DGCR2: variants seen among roughly 807,000 people sequenced by gnomAD.
The protein encoded by DGCR2 is integral membrane protein DGCR2/IDD.
A neutral mutation model predicts 51.6 loss-of-function variants in DGCR2; 24 were observed. That is an observed-to-expected ratio of 0.47 (90% CI 0.34 to 0.65). The LOEUF is 0.65. Among genes scored for constraint, DGCR2 ranks in the 30% least tolerant of loss-of-function variants. DGCR2 has a pLI of 0.01. For synonymous variants in DGCR2, 340 were observed against 315.4 expected (o/e 1.08, Z -0.82); for missense variants, 765 against 772.1 (o/e 0.99, Z 0.11).
chr22:19,104,678 G>T (rs922458356), intron 1 of DGCR2, among the ~76,000 whole-genome samples: 21 of 152,172 alleles, frequency 1.4e-4, no homozygotes, highest in Admixed American at 1.3e-4. Flanking sequence ...CCGGGGTAGG[G>T]GACACCCATG....
At chr22:19,109,301 A>G (rs2083290877) in intron 1 of DGCR2, among the ~76,000 whole-genome samples, 1 of 152,248 alleles carries the variant, frequency 6.6e-6, no homozygotes, top group Non-Finnish European at 1.5e-5. Context: ...TTCTGGGTAC[A>G]TACCCAAAAT....
At chr22:19,066,006 G>A (rs943107694) in intron 3 of DGCR2, 2 of 152,192 alleles carry the variant, frequency 1.3e-5, no homozygotes, top group African/African-American at 2.4e-5. Context: ...AGAAAAAGAG[G>A]GGCACCCCTA....
intron 2 of DGCR2, 30 bp from the exon 3 acceptor site, chr22:19,068,255 G>A: frequency 6.4e-7 from 1 of 1,559,216 alleles, no homozygotes; most frequent in Non-Finnish European, 8.7e-7. Context: ...TGTGCTGTGA[G>A]TCCTGCCTGT....
intron 1 of DGCR2, among the ~76,000 whole-genome samples, chr22:19,116,238 G>C (rs1215557334): frequency 1.3e-5 from 2 of 152,188 alleles, no homozygotes. Context: ...AACCAGACCT[G>C]AGCTTCCCCA....
chr22:19,090,086 C>T (rs897628081), intron 1 of DGCR2, among the ~76,000 whole-genome samples: 1 of 152,108 alleles, frequency 6.6e-6, no homozygotes, highest in Non-Finnish European at 1.5e-5. Flanking sequence ...AAGTACGCTG[C>T]AGAACATTAA....
chr22:19,041,495 C>T, intron 8 of DGCR2: 1 of 609,004 alleles, frequency 1.6e-6, no homozygotes. Context: ...CTCACCACAC[C>T]AACCTGTCCC....
chr22:19,048,183 T>C lies in DGCR2; in HGVS notation c.1006+257A>G. On this transcript the variant is annotated intron_variant, in intron 7 of 9. Transcript: ENST00000263196. The stretch of plus-strand genomic sequence containing the variant: ...GTGACTTGTGAACAAACAGCCACAC[T>C]TGAGTTCAAGTTCATTTGTGAATGC... The C allele has an allele frequency of 5.4e-6, 3 of 553,358 alleles. 1 individual carries two copies. In the South Asian group the frequency reaches 6.3e-5, roughly 12 times the overall value. 34.3% of individuals were successfully genotyped at this position (553,358 alleles called of 1,614,324 possible). A position where few individuals can be genotyped will look rare whatever the true frequency, so the allele number is the denominator to read the frequency against.
At chr22:19,053,493 A>G (rs115112442) in intron 6 of DGCR2, among the ~76,000 whole-genome samples, 2,540 of 152,214 alleles carry the variant, frequency 0.017, 75 homozygotes, top group African/African-American at 0.058. Flanking sequence ...GGGCAACTAC[A>G]GTGCCAACAA....
intron 4 of DGCR2, 42 bp downstream of exon 4, chr22:19,064,806 G>A (rs372760960): frequency 4.5e-6 from 7 of 1,573,006 alleles, no homozygotes; most frequent in South Asian, 1.1e-5. Flanking sequence ...GTAGTCATCA[G>A]ACTCTGACTC....
intron 3 of DGCR2, among the ~76,000 whole-genome samples, chr22:19,065,568 T>C (rs964505948): frequency 6.6e-6 from 1 of 152,142 alleles, no homozygotes; most frequent in Non-Finnish European, 1.5e-5. Flanking sequence ...GCCATGACAC[T>C]GTGTGACCCG....
chr22:19,079,605 T>C (rs1243471673), intron 2 of DGCR2, among the ~76,000 whole-genome samples: 1 of 152,284 alleles, frequency 6.6e-6, no homozygotes, highest in African/African-American at 2.4e-5. Context: ...TACTGTGTGC[T>C]ACATTCTTGT....
In DGCR2 at chr22:19,065,043, C is replaced by T. The variant is rs750922211; in HGVS notation, c.353G>A (p.Gly118Glu). The change falls in exon 4 of 10, where the codon GGG becomes GAG. Residue 118 changes from glycine to glutamate, a missense_variant. Transcript: ENST00000263196. ...GGCCGTGCCTTCGTAGTGGTGCCACCCTGTCGGGCACTTCCCTAGGAAACA... is the reference window on the plus strand; with the variant it reads ...GGCCGTGCCTTCGTAGTGGTGCCACTCTGTCGGGCACTTCCCTAGGAAACA... Reference protein sequence around the residue: ...FSSFLGKCPTGWHHYEGTASC... With the variant: ...FSSFLGKCPTEWHHYEGTASC... The T allele has an allele frequency of 6.2e-7, 1 of 1,613,996 alleles. No homozygotes were observed. Among genetic ancestry groups the T allele is most frequent in the South Asian group, 1.1e-5 (1 of 91,080 alleles).
chr22:19,059,201 G>C (rs1450328387), intron 5 of DGCR2, among the ~76,000 whole-genome samples: 1 of 152,174 alleles, frequency 6.6e-6, no homozygotes, highest in Admixed American at 6.5e-5. Context: ...GAACAAGGGA[G>C]CAGAGGTGAA....
intron 2 of DGCR2, among the ~76,000 whole-genome samples, chr22:19,082,199 C>T (rs751323851): frequency 6.7e-6 from 1 of 150,022 alleles, no homozygotes; most frequent in Non-Finnish European, 1.5e-5. Flanking sequence ...CAAGTGTGTA[C>T]CACCACATCT....
chr22:19,076,104 C>T (rs190777064), intron 2 of DGCR2, among the ~76,000 whole-genome samples: 59 of 151,744 alleles, frequency 3.9e-4, no homozygotes, highest in Admixed American at 9.8e-4. Context: ...AATTAACAGG[C>T]GTGCGCCATG....
chr22:19,081,936 A>T (rs1161961731), intron 2 of DGCR2, among the ~76,000 whole-genome samples: 1 of 152,210 alleles, frequency 6.6e-6, no homozygotes, highest in Non-Finnish European at 1.5e-5. Context: ...GAAATGCTTT[A>T]TAGGAGTTCT....
chr22:19,051,178 A>G, intron 6 of DGCR2, among the ~76,000 whole-genome samples: 1 of 134,970 alleles, frequency 7.4e-6, no homozygotes. Context: ...AACAGAGTGA[A>G]ATTCTGTCAC....
At chr22:19,120,060 G>A (rs956616977) in intron 1 of DGCR2, among the ~76,000 whole-genome samples, 1 of 152,176 alleles carries the variant, frequency 6.6e-6, no homozygotes, top group African/African-American at 2.4e-5. Flanking sequence ...AAGGACACAT[G>A]GTGAATGTGT....
In DGCR2 at chr22:19,041,867, T is replaced by C; in HGVS notation, c.1099A>G (p.Met367Val). The C allele has an allele frequency of 1.2e-6, 2 of 1,613,402 alleles. No homozygotes were observed. The highest frequency in any genetic ancestry group is 1.7e-6 in the Non-Finnish European group (2 of 1,179,954). Residue 367 changes from methionine to valine, a missense_variant, in exon 8 of 10, where the codon ATG becomes GTG. By Grantham distance (21) the Met-to-Val change is conservative (BLOSUM62 1). This residue lies in a region of DGCR2 where 190 missense variants were observed against 265.2 expected (regional missense o/e 0.72). Coordinates refer to ENST00000263196, the MANE Select transcript of DGCR2 (RefSeq NM_005137.3). ...CGCCGCTGGCGCAGCCGGTGGACCA[T>C]GAAGAGCAGCAGTGACAGGATGAGG... ...SFLILSLLLF[M>V]VHRLRQRRRE...
Sources: gnomAD v4.1 joint callset for allele counts (sites outside exome capture counted in the v4.1 genomes callset) on GRCh38, gnomAD v4.1.1 for gene constraint, gnomAD v4.1.1 regional missense constraint, MANE v1.5 for transcripts, NCBI Gene and HGNC (gene_info 2026-07-23, HGNC 2026-07-21) for gene names.